Variants in LINGO2 observed in about 807,000 individuals in gnomAD.
LINGO2 encodes leucine rich repeat and Ig domain containing 2, also known as leucine-rich repeat and immunoglobulin-like domain-containing nogo receptor-interacting protein 2.
In LINGO2, 14 loss-of-function variants were observed where a neutral mutation model predicts 30.6. The observed-to-expected ratio is 0.46, with a 90% CI of 0.30 to 0.72. The LOEUF is 0.72. LINGO2 is among the 30% of genes least tolerant of loss of function. The probability of loss-of-function intolerance (pLI) is 0.07; values close to 1 mark genes in which losing one functional copy is unlikely to be tolerated. For missense variants in LINGO2, 729 were observed against 751.7 expected (o/e 0.97, Z 0.35); for synonymous variants, 317 against 288.5 (o/e 1.10, Z -1.00).
chr9:28,932,601 C>T, the LINGO2 span, among the ~76,000 whole-genome samples: 1,693 of 152,200 alleles, frequency 0.011, 40 homozygotes, highest in African/African-American at 0.039. Context: ...AGTTCTAAAA[C>T]GGTTTCCTCT....
At chr9:28,609,689 T>C (rs1825833670) in intron 1 of LINGO2, among the ~76,000 whole-genome samples, 1 of 152,052 alleles carries the variant, frequency 6.6e-6, no homozygotes, top group South Asian at 2.1e-4. Flanking sequence ...CTTAGAAAAG[T>C]CTTTGAAGCA....
the LINGO2 span, among the ~76,000 whole-genome samples, chr9:28,847,821 A>G: frequency 0.023 from 863 of 37,938 alleles, 64 homozygotes; most frequent in African/African-American, 0.066. Context: ...GTATATATAC[A>G]TATATATGTA....
At chr9:29,109,132 G>C in the LINGO2 span, among the ~76,000 whole-genome samples, 1 of 88,806 alleles carries the variant, frequency 1.1e-5, no homozygotes, top group African/African-American at 4.4e-5. Context: ...TATTTTGCTT[G>C]TGAGTAATTT....
At chr9:28,259,512 C>G (rs1328294615) in intron 4 of LINGO2, among the ~76,000 whole-genome samples, 1 of 151,028 alleles carries the variant, frequency 6.6e-6, no homozygotes, top group Non-Finnish European at 1.5e-5. Flanking sequence ...CATACAAGGT[C>G]TATGAAGGAA....
intron 1 of LINGO2, among the ~76,000 whole-genome samples, chr9:28,613,627 G>A (rs1826011637): frequency 2.0e-5 from 3 of 152,074 alleles, no homozygotes; most frequent in Admixed American, 2.0e-4. Flanking sequence ...TGGTGGGATA[G>A]GGAGGTTACA....
At chr9:27,976,148 G>A (rs1028942866) in intron 5 of LINGO2, among the ~76,000 whole-genome samples, 1 of 152,098 alleles carries the variant, frequency 6.6e-6, no homozygotes. Context: ...AATTGTTGCA[G>A]GCTTAAACAA....
intron 1 of LINGO2, among the ~76,000 whole-genome samples, chr9:28,653,998 C>A (rs1828227616): frequency 6.6e-6 from 1 of 152,010 alleles, no homozygotes; most frequent in African/African-American, 2.4e-5. Flanking sequence ...TTACGTTTAT[C>A]TATTTTACAT....
intron 1 of LINGO2, among the ~76,000 whole-genome samples, chr9:28,578,125 T>C (rs1349007734): frequency 6.6e-6 from 1 of 152,128 alleles, no homozygotes; most frequent in Non-Finnish European, 1.5e-5. Context: ...TGGAAGGTAA[T>C]GATGCAAGAT....
chr9:29,052,521 C>T, the LINGO2 span, among the ~76,000 whole-genome samples: 1 of 152,164 alleles, frequency 6.6e-6, no homozygotes, highest in Admixed American at 6.5e-5. Context: ...CAGAAATCTA[C>T]TTTTGAAGAA....
the LINGO2 span, among the ~76,000 whole-genome samples, chr9:29,085,668 T>C: frequency 0.2 from 30,532 of 152,028 alleles, 3,185 homozygotes; most frequent in South Asian, 0.25. Flanking sequence ...AGCTAAATAC[T>C]ACTCTAACAC....
the LINGO2 span, among the ~76,000 whole-genome samples, chr9:29,037,554 T>A: frequency 1.3e-5 from 2 of 151,998 alleles, no homozygotes; most frequent in African/African-American, 2.4e-5. Flanking sequence ...CGTAATATCA[T>A]GCATTTCTAT....
chr9:28,652,175 C>A (rs1347094550), intron 1 of LINGO2, among the ~76,000 whole-genome samples: 2 of 152,166 alleles, frequency 1.3e-5, no homozygotes, highest in East Asian at 3.9e-4. Flanking sequence ...TCACTTCTCC[C>A]TCCCTAATTT....
At chr9:28,355,879 C>G (rs1210103789) in intron 3 of LINGO2, among the ~76,000 whole-genome samples, 9 of 152,152 alleles carry the variant, frequency 5.9e-5, no homozygotes, top group African/African-American at 2.2e-4. Context: ...TATCATCATG[C>G]TACACAAATG....
At chr9:28,625,561 C>A (rs865954489) in intron 1 of LINGO2, among the ~76,000 whole-genome samples, 11 of 152,122 alleles carry the variant, frequency 7.2e-5, no homozygotes, top group African/African-American at 2.7e-4. Context: ...GTTTGGCCAT[C>A]TTGCTCCACA....
Position 28,364,685 on chromosome 9 carries a change from G to A in LINGO2, c.-246+8151C>T, listed in dbSNP as rs558029239. ...TATTGTAGACAGTTATGTTTTCAAC[G>A]TAATTTTCCTTGAAACAAAATTCCT... is the stretch of plus-strand genomic sequence containing the variant. On this transcript the variant is annotated intron_variant, in intron 3 of 5. Transcript: ENST00000379992. Among the ~76,000 whole-genome samples the A allele has an allele frequency of 4.6e-5, 7 of 152,268 alleles. No homozygotes were observed. In the East Asian group the frequency reaches 7.7e-4, roughly 17 times the overall value.
the LINGO2 span, among the ~76,000 whole-genome samples, chr9:28,918,610 A>C: frequency 1.1e-4 from 17 of 152,180 alleles, no homozygotes; most frequent in Non-Finnish European, 2.2e-4. Context: ...CTACGTCTCT[A>C]ATGACACAGG....
Position 28,048,831 on chromosome 9 carries a change from CAT to C in LINGO2, c.-86-36428_-86-36427del, listed in dbSNP as rs1054037786. Among the ~76,000 whole-genome samples the C allele has an allele frequency of 8.0e-5, 12 of 150,244 alleles. No homozygotes were observed. The East Asian group carries it at 1.2e-3, about 15-fold the overall frequency. ...GTACCACAATCGATGAAAATAGCAA[CAT>C]ATATATGTAACTATATATATATGTA... On this transcript the variant is annotated intron_variant, in intron 4 of 5. Transcript: ENST00000379992.
In LINGO2 at chr9:28,230,702, G is replaced by C. The variant is rs962542079; in HGVS notation, c.-87+64506C>G. 2.6e-5 allele frequency among the ~76,000 whole-genome samples: 4 copies of C among 151,778 alleles called. No individual in the cohort carries two copies. The East Asian group carries it at 7.7e-4, about 29-fold the overall frequency. On this transcript the variant is annotated intron_variant, in intron 4 of 5. Coordinates refer to ENST00000379992, the Ensembl canonical transcript of LINGO2. ...TTGCAAAAAATCTGCAAATTAATTT[G>C]TAAATAATTTACATTTAGAGAATTT... is the stretch of plus-strand genomic sequence containing the variant.
intron 4 of LINGO2, among the ~76,000 whole-genome samples, chr9:28,047,401 C>G (rs1171918054): frequency 7.1e-6 from 1 of 141,068 alleles, no homozygotes; most frequent in Non-Finnish European, 1.5e-5. Context: ...CATATTCAAA[C>G]AGATAGTGGC....
Sources: allele counts gnomAD v4.1 joint callset (sites outside exome capture counted in the v4.1 genomes callset), GRCh38; gene constraint gnomAD v4.1.1; transcripts MANE v1.5; gene names NCBI Gene and HGNC (gene_info 2026-07-23, HGNC 2026-07-21).